GPR137B: variants seen among roughly 807,000 people sequenced by gnomAD.
GPR137B encodes the protein G protein-coupled receptor 137B.
GPR137B carries 42 observed loss-of-function variants against 42.5 expected under a neutral mutation model. The ratio of observed to expected loss-of-function variants is 0.99; its 90% CI spans 0.77 to 1.28. The LOEUF is 1.28. GPR137B is among the 50% of genes most tolerant of loss of function. The pLI, the probability that GPR137B is intolerant of heterozygous loss-of-function variation, is 0.00. For missense variants in GPR137B, 487 were observed against 493.9 expected, an observed-to-expected ratio of 0.99 and a Z score of 0.13; for synonymous variants, 218 against 209.7, an observed-to-expected ratio of 1.04 and a Z score of -0.34.
intron 1 of GPR137B, among the ~76,000 whole-genome samples, chr1:236,149,596 C>T (rs915071632): frequency 3.9e-5 from 6 of 152,280 alleles, no homozygotes; most frequent in Admixed American, 6.5e-5. Flanking sequence ...TTAGTCAAGA[C>T]GTGTTTATCA....
Position 236,208,100 on chromosome 1 carries a change from C to T in GPR137B, c.1142C>T (p.Ala381Val). ...DWGQQTNSFL[A>V]QAGTLQDSTL... Reference sequence around the variant, plus strand: ...GGACAACAAACTAACAGCTTCCTGGCACAAGCAGGAACTTTGCAAGACTCA... The same window carrying T: ...GGACAACAAACTAACAGCTTCCTGGTACAAGCAGGAACTTTGCAAGACTCA... Residue 381 changes from alanine (A) to valine (V), a missense_variant, in exon 7 of 7, where the codon GCA (alanine) becomes GTA (valine). Ala to Val is a moderately conservative substitution (Grantham distance 64). Transcript: ENST00000366592. The T allele has an allele frequency of 1.2e-6, 2 of 1,612,180 alleles. No homozygotes were observed. The highest frequency in any genetic ancestry group is 1.7e-6 in the Non-Finnish European group (2 of 1,178,262).
chr1:236,208,313 T>C lies in GPR137B; in HGVS notation c.*155T>C, dbSNP rs1346008332. 7 of 1,417,350 alleles carry C rather than the reference T, an allele frequency of 4.9e-6. No homozygotes were observed. Among genetic ancestry groups the C allele is most frequent in the South Asian group, 1.7e-5 (1 of 60,124 alleles). 87.8% of individuals were successfully genotyped at this position (1,417,350 alleles called of 1,614,324 possible). ...GGCCCCATAGGAATAAGCAATAATG[T>C]AGACTGATAAACCCTTATTTTAGTA... is the stretch of plus-strand genomic sequence containing the variant. On this transcript the variant is annotated 3_prime_UTR_variant, in exon 7 of 7. Transcript: ENST00000366592.
At chr1:236,175,418 C>A (rs1014480727) in intron 2 of GPR137B, among the ~76,000 whole-genome samples, 1 of 152,164 alleles carries the variant, frequency 6.6e-6, no homozygotes, top group Admixed American at 6.5e-5. Context: ...GTATTTCAGA[C>A]AGCACCCACG....
intron 6 of GPR137B, chr1:236,207,281 G>A (rs976161089): frequency 1.0e-4 from 103 of 985,126 alleles, no homozygotes; most frequent in Non-Finnish European, 1.2e-4. Context: ...TGTAAAGAAC[G>A]TAAGCTGGAA....
chr1:236,205,071 T>G, intron 5 of GPR137B, 55 bp from the exon 6 acceptor site: 1 of 1,483,094 alleles, frequency 6.7e-7, no homozygotes, highest in Admixed American at 1.8e-5. Flanking sequence ...CTTATTTTTG[T>G]CTGGTGCAAG....
chr1:236,142,562 G>A lies in GPR137B; in HGVS notation c.-61G>A. On this transcript the variant is annotated 5_prime_UTR_variant, in exon 1 of 7. Transcript: ENST00000366592. Reference sequence around the variant, plus strand: ...TTGTTTTCTTTCCTCCAGTCTCGGGGCTGCAGGCTGAGCGCGATGCGCGGA... The same window carrying A: ...TTGTTTTCTTTCCTCCAGTCTCGGGACTGCAGGCTGAGCGCGATGCGCGGA... 1.1e-6 allele frequency: 1 copy of A among 924,298 alleles called. No homozygotes were observed. Among genetic ancestry groups the A allele is most frequent in the Non-Finnish European group, 1.4e-6 (1 of 695,834 alleles). The allele number at this position is 924,298 out of a possible 1,614,324, so 57.3% of individuals were successfully genotyped here. A position where few individuals can be genotyped will look rare whatever the true frequency, so the allele number is the denominator to read the frequency against.
In GPR137B at chr1:236,208,450, C is replaced by T; in HGVS notation, c.*292C>T. ...ACTTAAATAATAATGCTAAAGTATACTAGGGTTTTTTTTTCTTGAGAATGT... is the reference window on the plus strand; with the variant it reads ...ACTTAAATAATAATGCTAAAGTATATTAGGGTTTTTTTTTCTTGAGAATGT... On this transcript the variant is annotated 3_prime_UTR_variant, in exon 7 of 7. Coordinates refer to ENST00000366592, the MANE Select transcript of GPR137B (RefSeq NM_003272.4). 2 of 902,434 alleles carry T rather than the reference C, an allele frequency of 2.2e-6. No individual in the cohort carries two copies. Among genetic ancestry groups the T allele is most frequent in the South Asian group, 4.8e-5 (1 of 20,732 alleles). The allele number at this position is 902,434 out of a possible 1,614,324, so 55.9% of individuals were successfully genotyped here. A position where few individuals can be genotyped will look rare whatever the true frequency, so the allele number is the denominator to read the frequency against.
At chr1:236,167,361 C>T (rs955116548) in intron 1 of GPR137B, among the ~76,000 whole-genome samples, 1 of 152,198 alleles carries the variant, frequency 6.6e-6, no homozygotes, top group African/African-American at 2.4e-5. Context: ...CTCCCCAGGA[C>T]TTACTCAACG....
intron 1 of GPR137B, among the ~76,000 whole-genome samples, chr1:236,143,414 A>G (rs893632843): frequency 6.6e-6 from 1 of 152,186 alleles, no homozygotes; most frequent in African/African-American, 2.4e-5. Flanking sequence ...GAACTCTAGA[A>G]TTTGCCCTGC....
At chr1:236,199,455 G>C (rs1396390225) in intron 5 of GPR137B, among the ~76,000 whole-genome samples, 1 of 152,156 alleles carries the variant, frequency 6.6e-6, no homozygotes, top group African/African-American at 2.4e-5. Flanking sequence ...AACGGTTTCA[G>C]AATAAGATTG....
chr1:236,188,302 A>G (rs1298520720), intron 5 of GPR137B, among the ~76,000 whole-genome samples: 2 of 152,126 alleles, frequency 1.3e-5, no homozygotes, highest in African/African-American at 2.4e-5. Flanking sequence ...TCCTATTTCA[A>G]TATGCTTTCT....
intron 5 of GPR137B, among the ~76,000 whole-genome samples, chr1:236,196,784 A>G (rs1374401259): frequency 6.6e-6 from 1 of 152,080 alleles, no homozygotes; most frequent in Non-Finnish European, 1.5e-5. Flanking sequence ...TGTGGATGCT[A>G]TTTCATTCCT....
chr1:236,184,986 C>T (rs1427071838), intron 5 of GPR137B, among the ~76,000 whole-genome samples: 2 of 152,076 alleles, frequency 1.3e-5, no homozygotes, highest in South Asian at 4.2e-4. Context: ...AGGCTGGTCT[C>T]GAACTCCTGA....
Position 236,168,719 on chromosome 1 carries a change from C to A in GPR137B, c.428C>A (p.Ala143Asp). 1 of 1,612,686 alleles carries A rather than the reference C, an allele frequency of 6.2e-7. No individual in the cohort carries two copies. The highest frequency in any genetic ancestry group is 8.5e-7 in the Non-Finnish European group (1 of 1,178,698). Residue 143 changes from alanine to aspartate, a missense_variant, in exon 2 of 7, where the codon GCC (alanine) becomes GAC (aspartate). Transcript: ENST00000366592. Reference sequence around the variant, plus strand: ...CTGTCGTTGCAGGTGATTTTCAAAGCCAAGTCAAAATATTCTCCAGAATTA... The same window carrying A: ...CTGTCGTTGCAGGTGATTTTCAAAGACAAGTCAAAATATTCTCCAGAATTA... ...NLYFTQVIFK[A>D]KSKYSPELLK...
intron 1 of GPR137B, among the ~76,000 whole-genome samples, chr1:236,168,441 A>G (rs1662429870): frequency 6.6e-6 from 1 of 151,570 alleles, no homozygotes; most frequent in African/African-American, 2.4e-5. Flanking sequence ...AAAAAAAAAA[A>G]GAATCTGAAC....
intron 1 of GPR137B, among the ~76,000 whole-genome samples, chr1:236,145,001 C>T (rs759766757): frequency 1.1e-4 from 17 of 152,230 alleles, no homozygotes; most frequent in Admixed American, 4.6e-4. Flanking sequence ...AGAGCCACTC[C>T]GGCCCAGGGG....
At chr1:236,168,380 G>A (rs947167537) in intron 1 of GPR137B, among the ~76,000 whole-genome samples, 7 of 149,378 alleles carry the variant, frequency 4.7e-5, no homozygotes, top group Non-Finnish European at 7.4e-5. Context: ...CCGAGATGGC[G>A]CCATTGCACT....
chr1:236,168,862 G>A (rs199864501), intron 2 of GPR137B, 107 bp downstream of exon 2: 41 of 845,942 alleles, frequency 4.8e-5, no homozygotes, highest in African/African-American at 2.1e-4. Flanking sequence ...GTGAGCCGCC[G>A]GAAACAGTCC....
In GPR137B at chr1:236,183,805, G is replaced by A. The variant is rs147776145; in HGVS notation, c.865G>A (p.Ala289Thr). ...AGATTTGAAGAATCAGCTGGGAGAT[G>A]CTGGATACGTATTATTTGGAGTGGT... ...QADLKNQLGD[A>T]GYVLFGVVLF... Residue 289 changes from alanine to threonine, a missense_variant, in exon 5 of 7, where the codon GCT becomes ACT. By Grantham distance (58) the Ala-to-Thr change is moderately conservative. Coordinates refer to ENST00000366592, the MANE Select transcript of GPR137B (RefSeq NM_003272.4). 1 of 1,606,936 alleles carries A rather than the reference G, an allele frequency of 6.2e-7. No individual in the cohort carries two copies. The highest frequency in any genetic ancestry group is 1.3e-5 in the African/African-American group (1 of 74,862).
Sources: gnomAD v4.1 joint callset for allele counts (sites outside exome capture counted in the v4.1 genomes callset) on GRCh38, gnomAD v4.1.1 for gene constraint, MANE v1.5 for transcripts, NCBI Gene and HGNC (gene_info 2026-07-23, HGNC 2026-07-21) for gene names.